Variants in FAM24B observed in about 807,000 individuals in gnomAD.
The protein encoded by FAM24B is family with sequence similarity 24 member B.
Under a neutral mutation model 2.3 loss-of-function variants are expected in FAM24B, and 3 were observed. The ratio of observed to expected loss-of-function variants is 1.29; its 90% CI spans 0.59 to 3.32. FAM24B has a LOEUF of 3.32. Among genes scored for constraint, FAM24B ranks in the 30% most tolerant of loss-of-function variants. The pLI is 0.03. For synonymous variants in FAM24B, 36 were observed against 46.3 expected, an observed-to-expected ratio of 0.78 and a Z score of 0.90; for missense variants, 98 against 117.2, an observed-to-expected ratio of 0.84 and a Z score of 0.76.
chr10:122,856,445 T>C (rs908309680), intron 1 of FAM24B, among the ~76,000 whole-genome samples: 1 of 152,026 alleles, frequency 6.6e-6, no homozygotes, highest in Non-Finnish European at 1.5e-5. Context: ...CAGCAAGGAG[T>C]GACCCTGCTG....
chr10:122,876,647 C>A (rs1418343227), intron 1 of FAM24B, among the ~76,000 whole-genome samples: 4 of 152,182 alleles, frequency 2.6e-5, no homozygotes, highest in Non-Finnish European at 5.9e-5. Flanking sequence ...GATTTCTGTT[C>A]CTAGCATGCT....
At chr10:122,854,163 CA>C (rs778765451) in intron 2 of FAM24B, among the ~76,000 whole-genome samples, 96 of 152,268 alleles carry the variant, frequency 6.3e-4, no homozygotes, top group Middle Eastern at 3.4e-3. Flanking sequence ...AAACCCTGAC[CA>C]ATATTATTTC....
chr10:122,873,258 A>G (rs1167227086), intron 1 of FAM24B, among the ~76,000 whole-genome samples: 3 of 152,220 alleles, frequency 2.0e-5, no homozygotes, highest in Non-Finnish European at 4.4e-5. Context: ...GGGGACTAAT[A>G]TAGCTGATGA....
intron 1 of FAM24B, among the ~76,000 whole-genome samples, chr10:122,856,484 G>A (rs528257374): frequency 6.6e-5 from 10 of 152,298 alleles, no homozygotes; most frequent in East Asian, 3.9e-4. Context: ...GGGAGTCAGC[G>A]GTGCCTGCCT....
At chr10:122,851,493 C>A (rs1847535418) in intron 2 of FAM24B, among the ~76,000 whole-genome samples, 1 of 152,222 alleles carries the variant, frequency 6.6e-6, no homozygotes. Context: ...ACGCTCTGGA[C>A]ACCAGCTCTC....
At chr10:122,862,482 G>A (rs759726879) in intron 1 of FAM24B, among the ~76,000 whole-genome samples, 2 of 152,144 alleles carry the variant, frequency 1.3e-5, no homozygotes, top group Non-Finnish European at 2.9e-5. Flanking sequence ...TTGTCTATAC[G>A]TGGTTGGGAT....
chr10:122,857,729 A>G (rs1193536303), intron 1 of FAM24B, among the ~76,000 whole-genome samples: 3 of 152,226 alleles, frequency 2.0e-5, no homozygotes, highest in Non-Finnish European at 2.9e-5. Context: ...GCCTCCAGTC[A>G]AGTTTTGAGG....
chr10:122,849,533 T>G (rs1039387006), intron 3 of FAM24B, 94 bp from the exon 4 acceptor site: 1 of 1,146,748 alleles, frequency 8.7e-7, no homozygotes, highest in Non-Finnish European at 1.2e-6. Flanking sequence ...AGTTTAGTGC[T>G]GAAGCCAGTC....
At position 122,850,542 on chromosome 10, in the gene FAM24B, T is replaced by A; in HGVS notation, c.-27A>T. 2.0e-6 allele frequency: 3 copies of A among 1,533,032 alleles called. No homozygotes were observed. Among genetic ancestry groups the A allele is most frequent in the Non-Finnish European group, 2.7e-6 (3 of 1,105,838 alleles). The allele number at this position is 1,533,032 out of a possible 1,614,324, so 95.0% of individuals were successfully genotyped here. A position where few individuals can be genotyped will look rare whatever the true frequency, so the allele number is the denominator to read the frequency against. ...ATCACTGTATGGAGGTCAAAAGACTTCGATGTACCTAGGCAGATAAGTGCA... is the reference window on the plus strand; with the variant it reads ...ATCACTGTATGGAGGTCAAAAGACTACGATGTACCTAGGCAGATAAGTGCA... On this transcript the variant is annotated 5_prime_UTR_variant, in exon 3 of 4. Coordinates refer to ENST00000368898, the MANE Select transcript of FAM24B (RefSeq NM_152644.3).
intron 1 of FAM24B, among the ~76,000 whole-genome samples, chr10:122,878,494 T>C (rs1262601386): frequency 6.6e-6 from 1 of 151,806 alleles, no homozygotes. Flanking sequence ...ATCACACCAC[T>C]GTACTCCAGC....
intron 1 of FAM24B, among the ~76,000 whole-genome samples, chr10:122,866,691 A>G (rs1847809318): frequency 6.6e-6 from 1 of 152,144 alleles, no homozygotes; most frequent in African/African-American, 2.4e-5. Context: ...ACCATGAATC[A>G]TGACCCTATA....
intron 2 of FAM24B, among the ~76,000 whole-genome samples, chr10:122,851,284 T>A (rs896614872): frequency 4.6e-5 from 7 of 152,184 alleles, no homozygotes; most frequent in African/African-American, 1.4e-4. Flanking sequence ...AAAATTACAA[T>A]CAAAGTAAAC....
chr10:122,859,772 A>G lies in FAM24B; in HGVS notation c.-177-3986T>C, dbSNP rs1416174423. Among the ~76,000 whole-genome samples, 3 of 152,196 alleles carry G rather than the reference A, an allele frequency of 2.0e-5. No homozygotes were observed. The East Asian group carries it at 5.8e-4, about 29-fold the overall frequency. On this transcript the variant is annotated intron_variant, in intron 1 of 3. Coordinates refer to ENST00000368898, the MANE Select transcript of FAM24B (RefSeq NM_152644.3). Reference sequence around the variant, plus strand: ...CAATGAACTATGAAGCAGCTGCAATAAAAGGTTCCCACCAATTCCCTGGAG... The same window carrying G: ...CAATGAACTATGAAGCAGCTGCAATGAAAGGTTCCCACCAATTCCCTGGAG...
At chr10:122,858,704 G>C (rs1847679887) in intron 1 of FAM24B, among the ~76,000 whole-genome samples, 1 of 152,074 alleles carries the variant, frequency 6.6e-6, no homozygotes, top group African/African-American at 2.4e-5. Flanking sequence ...AGACCACAGA[G>C]AGTGGTTACC....
intron 1 of FAM24B, among the ~76,000 whole-genome samples, chr10:122,863,745 A>G (rs1429810237): frequency 1.3e-5 from 2 of 152,244 alleles, no homozygotes; most frequent in East Asian, 3.8e-4. Context: ...TGATGTTGCC[A>G]GGGCTCTTTA....
chr10:122,850,378 A>T, intron 3 of FAM24B, 46 bp downstream of exon 3: 3 of 1,490,498 alleles, frequency 2.0e-6, no homozygotes, highest in Non-Finnish European at 2.8e-6. Flanking sequence ...CCTTTTCCCC[A>T]TGTGACTCAC....
intron 3 of FAM24B, among the ~76,000 whole-genome samples, chr10:122,849,645 C>G (rs1240273912): frequency 6.6e-6 from 1 of 151,952 alleles, no homozygotes; most frequent in Non-Finnish European, 1.5e-5. Flanking sequence ...ACTGAGGTTA[C>G]AAAAGCAAGA....
chr10:122,878,001 T>C (rs575820917), intron 1 of FAM24B, among the ~76,000 whole-genome samples: 2 of 152,282 alleles, frequency 1.3e-5, no homozygotes, highest in African/African-American at 4.8e-5. Context: ...TGAGAATTAT[T>C]TGGTAAAGCT....
At chr10:122,858,160 C>A (rs545242565) in intron 1 of FAM24B, among the ~76,000 whole-genome samples, 1 of 152,250 alleles carries the variant, frequency 6.6e-6, no homozygotes, top group East Asian at 1.9e-4. Flanking sequence ...ACCCAAATGT[C>A]CATCAATGAT....
Sources: gnomAD v4.1 joint callset for allele counts (sites outside exome capture counted in the v4.1 genomes callset) on GRCh38, gnomAD v4.1.1 for gene constraint, MANE v1.5 for transcripts, NCBI Gene and HGNC (gene_info 2026-07-23, HGNC 2026-07-21) for gene names.